SLC17A7: variants seen among roughly 807,000 people sequenced by gnomAD.
SLC17A7 encodes the protein solute carrier family 17 member 7.
Under a neutral mutation model 59.1 loss-of-function variants are expected in SLC17A7, and 15 were observed. That is an observed-to-expected ratio of 0.25 (90% CI 0.17 to 0.39). SLC17A7 has a LOEUF of 0.39. Ranked by LOEUF, SLC17A7 falls within the 10% of genes least tolerant of loss-of-function variation. The probability of loss-of-function intolerance (pLI) is 1.00; values close to 1 mark genes in which losing one functional copy is unlikely to be tolerated. For synonymous variants in SLC17A7, 353 were observed against 308.9 expected (o/e 1.14, Z -1.50); for missense variants, 499 against 765.1 (o/e 0.65, Z 4.10).
intron 1 of SLC17A7, chr19:49,437,026 A>T (rs1184633990): frequency 1.1e-5 from 7 of 616,314 alleles, no homozygotes; most frequent in Non-Finnish European, 1.9e-5. Flanking sequence ...CTCCTTCTTC[A>T]CATTGACGGT....
chr19:49,435,878 T>C (rs1376383002), intron 2 of SLC17A7: 1 of 153,854 alleles, frequency 6.5e-6, no homozygotes, highest in African/African-American at 2.4e-5. Flanking sequence ...CTGGGCAACA[T>C]AGTGAGACCT....
At position 49,430,780 on chromosome 19, in the gene SLC17A7, A is replaced by G; in HGVS notation, c.1422T>C (p.Ile474=). The part of the protein sequence containing the change: ...TREEWQYVFL[I]ASLVHYGGVI... Reference sequence around the variant, plus strand: ...CACCTCCATAGTGCACCAGGGAGGCAATTAGGAACACGTACTGCCACTCCT... The same window carrying G: ...CACCTCCATAGTGCACCAGGGAGGCGATTAGGAACACGTACTGCCACTCCT... Residue 474 remains isoleucine, a synonymous_variant, in exon 12 of 12, where the codon ATT becomes ATC. Coordinates refer to ENST00000221485, the MANE Select transcript of SLC17A7 (RefSeq NM_020309.4). The G allele has an allele frequency of 6.2e-7, 1 of 1,613,308 alleles. No homozygotes were observed. Among genetic ancestry groups the G allele is most frequent in the Non-Finnish European group, 8.5e-7 (1 of 1,179,514 alleles).
At position 49,432,503 on chromosome 19, in the gene SLC17A7, G is replaced by A; in HGVS notation, c.1150+16C>T. On this transcript the variant is annotated intron_variant, in intron 9 of 11. Transcript: ENST00000221485. ...CCAGGCTGTCCTAGAGCCGGCCCAG[G>A]CCCCGCCCCACTCACCTCCGCAGTT... 1 of 1,609,476 alleles carries A rather than the reference G, an allele frequency of 6.2e-7. No individual in the cohort carries two copies. The highest frequency in any genetic ancestry group is 8.5e-7 in the Non-Finnish European group (1 of 1,177,622).
At chr19:49,438,939 A>T (rs1272299654) in intron 1 of SLC17A7, among the ~76,000 whole-genome samples, 2 of 152,178 alleles carry the variant, frequency 1.3e-5, no homozygotes, top group African/African-American at 4.8e-5. Flanking sequence ...GCAAGAGAAT[A>T]AAGAGGGAAC....
At position 49,441,301 on chromosome 19, in the gene SLC17A7, A is replaced by G; in HGVS notation, c.62+17T>C. The G allele has an allele frequency of 1.2e-6, 2 of 1,606,638 alleles. No individual in the cohort carries two copies. Among genetic ancestry groups the G allele is most frequent in the Non-Finnish European group, 1.7e-6 (2 of 1,177,942 alleles). ...CAGATCCTCCCACTCTTCTCCCGGG[A>G]CCCCCGCCAGGCTCACCGGTGCAGC... On this transcript the variant is annotated intron_variant, in intron 1 of 11. Coordinates refer to ENST00000221485, the MANE Select transcript of SLC17A7 (RefSeq NM_020309.4).
chr19:49,439,169 G>A (rs1600990183), intron 1 of SLC17A7, among the ~76,000 whole-genome samples: 1 of 152,066 alleles, frequency 6.6e-6, no homozygotes, highest in East Asian at 1.9e-4. Context: ...CAACTTCTCT[G>A]TCTCTCCCTC....
chr19:49,440,507 G>A (rs936925198), intron 1 of SLC17A7, among the ~76,000 whole-genome samples: 1 of 152,160 alleles, frequency 6.6e-6, no homozygotes, highest in Admixed American at 6.5e-5. Context: ...GGGAGTCCCT[G>A]TCAGCCCCAG....
chr19:49,430,064 A>G lies in SLC17A7; in HGVS notation c.*455T>C, dbSNP rs1304275920. ...TAAACCAATCTGGAAGATGCAGAACAGAGTTGGGAGAGATTTGAAACTTCT... is the reference window on the plus strand; with the variant it reads ...TAAACCAATCTGGAAGATGCAGAACGGAGTTGGGAGAGATTTGAAACTTCT... On this transcript the variant is annotated 3_prime_UTR_variant, in exon 12 of 12. Coordinates refer to ENST00000221485, the MANE Select transcript of SLC17A7 (RefSeq NM_020309.4). The G allele has an allele frequency of 6.2e-6, 1 of 160,584 alleles. No individual in the cohort carries two copies. Among genetic ancestry groups the G allele is most frequent in the African/African-American group, 2.4e-5 (1 of 41,794 alleles). The allele number at this position is 160,584 out of a possible 1,614,324, so 9.9% of individuals were successfully genotyped here.
Position 49,433,144 on chromosome 19 carries a change from G to A in SLC17A7, c.868-184C>T, listed in dbSNP as rs1040083478. The A allele has an allele frequency of 1.5e-5, 10 of 646,356 alleles. No individual in the cohort carries two copies. Among genetic ancestry groups the A allele is most frequent in the Non-Finnish European group, 2.4e-5 (9 of 376,414 alleles). 40.0% of individuals were successfully genotyped at this position (646,356 alleles called of 1,614,324 possible). On this transcript the variant is annotated intron_variant, in intron 7 of 11. Transcript: ENST00000221485. The surrounding 1 kb of genome is among the most constrained non-coding windows in gnomAD (Gnocchi z 5.7). ...GGGGACCCAGGGATCCTAGCCTCAAGGTGACACTTGAGTGATGAAGGGGTC... is the reference window on the plus strand; with the variant it reads ...GGGGACCCAGGGATCCTAGCCTCAAAGTGACACTTGAGTGATGAAGGGGTC...
chr19:49,438,885 G>C (rs563124892), intron 1 of SLC17A7, among the ~76,000 whole-genome samples: 3 of 152,188 alleles, frequency 2.0e-5, no homozygotes, highest in African/African-American at 7.2e-5. Flanking sequence ...CTAAACAGGG[G>C]GTCTCAGTAT....
rs1043745349 is a variant in SLC17A7, at chr19:49,431,782, G to T, written c.1151-334C>A. Among the ~76,000 whole-genome samples, 7 of 148,730 alleles carry T rather than the reference G, an allele frequency of 4.7e-5. No homozygotes were observed. The highest frequency in any genetic ancestry group is 4.0e-4 in the East Asian group (2 of 4,990). Reference sequence around the variant, plus strand: ...CTCAATCCCCACTCATGAGTTTTTGGTTTTTTTTTTTTTTAATTTTTGATT... The same window carrying T: ...CTCAATCCCCACTCATGAGTTTTTGTTTTTTTTTTTTTTTAATTTTTGATT... On this transcript the variant is annotated intron_variant, in intron 9 of 11. Coordinates refer to ENST00000221485, the MANE Select transcript of SLC17A7 (RefSeq NM_020309.4). The surrounding 1 kb of genome is among the most constrained non-coding windows in gnomAD (Gnocchi z 4.6).
At position 49,430,817 on chromosome 19, in the gene SLC17A7, A is replaced by AG. The variant is rs771787796; in HGVS notation, c.1390-6dup. On this transcript the variant is annotated splice_region_variant and splice_polypyrimidine_tract_variant and intron_variant, in intron 11 of 11. Coordinates refer to ENST00000221485, the MANE Select transcript of SLC17A7 (RefSeq NM_020309.4). ...GTACTGCCACTCCTCCCGAGTCTGC[A>AG]GGGGACAATAGGGCTGAGGTCAAAT... 1 of 1,601,186 alleles carries AG rather than the reference A, an allele frequency of 6.2e-7. No homozygotes were observed. The highest frequency in any genetic ancestry group is 1.7e-5 in the Admixed American group (1 of 59,174).
chr19:49,440,003 G>T (rs74672238), intron 1 of SLC17A7, among the ~76,000 whole-genome samples: 1 of 152,108 alleles, frequency 6.6e-6, no homozygotes, highest in Non-Finnish European at 1.5e-5. Flanking sequence ...GCGAGAAAAA[G>T]GGTGGGGAGG....
chr19:49,436,201 G>C lies in SLC17A7; in HGVS notation c.315+348C>G. ...GACTGAGATTAAATAGATGTGACCC[G>C]GGGACATGAGCTTGGGGTACAGGCG... On this transcript the variant is annotated intron_variant, in intron 2 of 11. Transcript: ENST00000221485. This position sits in a 1 kb window ranked among gnomAD's most constrained non-coding sequence, Gnocchi z 4.1. 1 of 308,730 alleles carries C rather than the reference G, an allele frequency of 3.2e-6. No homozygotes were observed. Among genetic ancestry groups the C allele is most frequent in the Non-Finnish European group, 6.1e-6 (1 of 162,788 alleles). 19.1% of individuals were successfully genotyped at this position (308,730 alleles called of 1,614,324 possible).
In SLC17A7 at chr19:49,433,226, C is replaced by A. The variant is rs926186203; in HGVS notation, c.868-266G>T. The A allele has an allele frequency of 2.0e-6, 1 of 509,604 alleles. No individual in the cohort carries two copies. Among genetic ancestry groups the A allele is most frequent in the African/African-American group, 2.0e-5 (1 of 50,592 alleles). 31.6% of individuals were successfully genotyped at this position (509,604 alleles called of 1,614,324 possible). On this transcript the variant is annotated intron_variant, in intron 7 of 11. Transcript: ENST00000221485. The surrounding 1 kb of genome is among the most constrained non-coding windows in gnomAD (Gnocchi z 5.7). ...GTGTCCGGGCCCCTCAGGGACCTGT[C>A]TTTTTCTTTTTTTCTTTTTATTTTT... is the stretch of plus-strand genomic sequence containing the variant.
chr19:49,434,510 G>GCCCCCC, intron 5 of SLC17A7, 92 bp downstream of exon 5: 1 of 1,156,908 alleles, frequency 8.6e-7, no homozygotes, highest in Non-Finnish European at 1.2e-6. Flanking sequence ...CAGGAGTTCA[G>GCCCCCC]CCCCCCCAGC....
intron 11 of SLC17A7, 46 bp downstream of exon 11, chr19:49,430,969 G>C: frequency 6.3e-7 from 1 of 1,578,124 alleles, no homozygotes; most frequent in Non-Finnish European, 8.6e-7. Flanking sequence ...AGTTAGGTAC[G>C]AAGCACACAC....
chr19:49,430,727 C>A lies in SLC17A7; in HGVS notation c.1475G>T (p.Gly492Val). 1 of 1,614,120 alleles carries A rather than the reference C, an allele frequency of 6.2e-7. No individual in the cohort carries two copies. The highest frequency in any genetic ancestry group is 8.5e-7 in the Non-Finnish European group (1 of 1,179,992). ...GVIFYGVFAS[G>V]EKQPWAEPEE... ...AGGCTCTGCCCACGGCTGCTTCTCTCCAGAAGCAAAGACCCCGTAGAAGAT... is the reference window on the plus strand; with the variant it reads ...AGGCTCTGCCCACGGCTGCTTCTCTACAGAAGCAAAGACCCCGTAGAAGAT... The change falls in exon 12 of 12, where the codon GGA (glycine) becomes GTA (valine). Residue 492 changes from glycine to valine, a missense_variant. Gly to Val is a moderately radical substitution (Grantham distance 109, BLOSUM62 -3). This residue lies in a region of SLC17A7 where 323 missense variants were observed against 607.2 expected (regional missense o/e 0.53). Coordinates refer to ENST00000221485, the MANE Select transcript of SLC17A7 (RefSeq NM_020309.4).
chr19:49,435,324 C>G, intron 2 of SLC17A7, 38 bp from the exon 3 acceptor site: 1 of 1,452,964 alleles, frequency 6.9e-7, no homozygotes, highest in Non-Finnish European at 9.7e-7. Flanking sequence ...GCCGCCCTGT[C>G]CAGGCTCTGC....
Sources: gnomAD v4.1 joint callset for allele counts (sites outside exome capture counted in the v4.1 genomes callset) on GRCh38, gnomAD v4.1.1 for gene constraint, gnomAD v4.1.1 regional missense constraint, Gnocchi (gnomAD v3.1) non-coding constraint, MANE v1.5 for transcripts, NCBI Gene and HGNC (gene_info 2026-07-23, HGNC 2026-07-21) for gene names.